The following MYO15A variants were observed in gnomAD, a reference collection of about 807,000 sequenced individuals.
The protein encoded by MYO15A is myosin XVA, also known as unconventional myosin-XV.
A neutral mutation model predicts 394.6 loss-of-function variants in MYO15A; 308 were observed. That is an observed-to-expected ratio of 0.78 (90% CI 0.71 to 0.86). MYO15A has a LOEUF of 0.86. Ranked by LOEUF, MYO15A falls within the 40% of genes least tolerant of loss-of-function variation. The pLI is 0.00. For missense variants in MYO15A, 4,606 were observed against 4,799.1 expected (o/e 0.96, Z 1.19); for synonymous variants, 1,957 against 2,003.8 (o/e 0.98, Z 0.62).
chr17:18,131,121 C>T, intron 8 of MYO15A, 118 bp from the exon 9 acceptor site: 1 of 934,240 alleles, frequency 1.1e-6, no homozygotes, highest in Non-Finnish European at 1.7e-6. Flanking sequence ...CTGGTCATCT[C>T]TCATAAAGGG....
chr17:18,159,412 C>T, intron 54 of MYO15A, 65 bp downstream of exon 54: 1 of 1,566,484 alleles, frequency 6.4e-7, no homozygotes. Flanking sequence ...GTGATCTCTA[C>T]TGGTTGCCAC....
chr17:18,115,335 G>C (rs929279825), intron 1 of MYO15A, among the ~76,000 whole-genome samples: 2 of 152,154 alleles, frequency 1.3e-5, no homozygotes, highest in Non-Finnish European at 2.9e-5. Flanking sequence ...GACTGAGGTC[G>C]AGGCTAGGCT....
chr17:18,130,961 G>A, intron 8 of MYO15A, 151 bp downstream of exon 8: 1 of 925,764 alleles, frequency 1.1e-6, no homozygotes, highest in Non-Finnish European at 1.6e-6. Context: ...TCCTAGGCAG[G>A]GCTGGGGCTT....
intron 40 of MYO15A, 29 bp from the exon 41 acceptor site, chr17:18,151,817 A>ATGGG: frequency 6.4e-7 from 1 of 1,551,426 alleles, no homozygotes; most frequent in South Asian, 1.2e-5. Context: ...ACTCAGTGTC[A>ATGGG]ACCCACCACA....
At position 18,119,927 on chromosome 17, in the gene MYO15A, A is replaced by G; in HGVS notation, c.1127A>G (p.Tyr376Cys). The G allele has an allele frequency of 6.2e-7, 1 of 1,613,474 alleles. No individual in the cohort carries two copies. The highest frequency in any genetic ancestry group is 8.5e-7 in the Non-Finnish European group (1 of 1,179,972). The change falls in exon 2 of 66, where the codon TAC becomes TGC. Residue 376 changes from tyrosine to cysteine, a missense_variant. Transcript: ENST00000647165. ...VPYFDPYGVHYTVPYAEGVYG... is the reference protein window; with the variant it reads ...VPYFDPYGVHCTVPYAEGVYG... The stretch of plus-strand genomic sequence containing the variant: ...TACTTTGATCCCTACGGAGTCCACT[A>G]CACCGTCCCCTATGCCGAAGGCGTC...
chr17:18,170,411 T>C (rs1023013739), intron 62 of MYO15A, among the ~76,000 whole-genome samples: 6 of 151,848 alleles, frequency 4.0e-5, no homozygotes, highest in African/African-American at 1.2e-4. Context: ...CAGACTGGAG[T>C]GCAGTGACCC....
chr17:18,125,412 G>A (rs1159126256), intron 4 of MYO15A, 181 bp downstream of exon 4: 28 of 656,580 alleles, frequency 4.3e-5, no homozygotes, highest in Non-Finnish European at 5.4e-6. Flanking sequence ...GTGGATGCCA[G>A]AGGCCGGGCA....
At chr17:18,134,358 C>T (rs886907634) in intron 12 of MYO15A, among the ~76,000 whole-genome samples, 1 of 152,170 alleles carries the variant, frequency 6.6e-6, no homozygotes, top group African/African-American at 2.4e-5. Flanking sequence ...TTTTCTAGTA[C>T]ATTTAAATTT....
rs771945203 is a variant in MYO15A at position 18,138,253 on chromosome 17, C to T, written c.5007+7C>T. 1.7e-5 allele frequency: 28 copies of T among 1,611,668 alleles called. No individual in the cohort carries two copies. The Admixed American group carries it at 4.0e-4, about 23-fold the overall frequency. ...CCAGTGTTGCTTTCCCCAGGTGAGC[C>T]GCAGGCACTGTGTGAGCCTAGTCAG... On this transcript the variant is annotated splice_region_variant and intron_variant, in intron 17 of 65. Coordinates refer to ENST00000647165, the MANE Select transcript of MYO15A (RefSeq NM_016239.4).
chr17:18,149,067 T>G, intron 33 of MYO15A, 115 bp downstream of exon 33: 1 of 1,479,334 alleles, frequency 6.8e-7, no homozygotes, highest in African/African-American at 1.4e-5. Flanking sequence ...GCCCTGAACT[T>G]AGACTTCAGG....
At position 18,142,951 on chromosome 17, in the gene MYO15A, C is replaced by T. The variant is rs1234114661; in HGVS notation, c.5910+111C>T. 7 of 927,944 alleles carry T rather than the reference C, an allele frequency of 7.5e-6. No homozygotes were observed. The Admixed American group carries it at 1.4e-4, about 18-fold the overall frequency. The allele number at this position is 927,944 out of a possible 1,614,324, so 57.5% of individuals were successfully genotyped here. A position where few individuals can be genotyped will look rare whatever the true frequency, so the allele number is the denominator to read the frequency against. ...AGGCAGTCTTGGGTTCAAATTCTGC[C>T]TCTGCCACCCACTAGCTCTTTAACT... On this transcript the variant is annotated intron_variant, in intron 25 of 65. Coordinates refer to ENST00000647165, the MANE Select transcript of MYO15A (RefSeq NM_016239.4).
chr17:18,142,983 A>G, intron 25 of MYO15A, 143 bp downstream of exon 25: 1 of 757,946 alleles, frequency 1.3e-6, no homozygotes, highest in East Asian at 2.7e-5. Context: ...AACTTTGGCC[A>G]TTGTCTATCC....
rs767006247 is a variant in MYO15A at position 18,145,907 on chromosome 17, T to C, written c.6309T>C (p.Gly2103=). The C allele has an allele frequency of 6.2e-7, 1 of 1,613,460 alleles. No individual in the cohort carries two copies. Among genetic ancestry groups the C allele is most frequent in the East Asian group, 2.2e-5 (1 of 44,874 alleles). ...TCATGGGCGACCCCCACCTGCATGG[T>C]GCCCGGGAGAACATCTTCGGGAACT... is the stretch of plus-strand genomic sequence containing the variant. The part of the protein sequence containing the change: ...LRFMGDPHLH[G]ARENIFGNYI... The change falls in exon 30 of 66, where the codon GGT becomes GGC. Residue 2103 remains glycine, a synonymous_variant. Coordinates refer to ENST00000647165, the MANE Select transcript of MYO15A (RefSeq NM_016239.4).
Position 18,173,922 on chromosome 17 carries a change from G to C in MYO15A, c.10491+1G>C, listed in dbSNP as rs762253410. The C allele has an allele frequency of 6.2e-7, 1 of 1,612,844 alleles. No individual in the cohort carries two copies. The highest frequency in any genetic ancestry group is 2.2e-5 in the East Asian group (1 of 44,892). On this transcript the variant is annotated splice_donor_variant, in intron 65 of 65. Coordinates refer to ENST00000647165, the MANE Select transcript of MYO15A (RefSeq NM_016239.4). LOFTEE classifies it high-confidence loss of function. ...CACCTTGCAGCTGCAGCTGGAGCAG[G>C]TGGGCCCAGCGCTAAGTCCAACATT...
At chr17:18,151,802 G>A (rs746527900) in intron 40 of MYO15A, 44 bp from the exon 41 acceptor site, 2 of 1,516,196 alleles carry the variant, frequency 1.3e-6, no homozygotes, top group Admixed American at 3.9e-5. Context: ...TGATGGGAAA[G>A]GGAGACTCAG....
At position 18,153,858 on chromosome 17, in the gene MYO15A, T is replaced by A; in HGVS notation, c.8050T>A (p.Tyr2684Asn). The change falls in exon 43 of 66, where the codon TAT (tyrosine) becomes AAT (asparagine). Residue 2684 changes from tyrosine to asparagine, a missense_variant. Tyr to Asn is a moderately radical substitution (Grantham distance 143, BLOSUM62 -2). Around this residue, in one of 2 missense-constraint regions of MYO15A, gnomAD observed 2,776 missense variants for 3,109.3 expected, o/e 0.89. Coordinates refer to ENST00000647165, the MANE Select transcript of MYO15A (RefSeq NM_016239.4). This position sits in a 1 kb window ranked among gnomAD's most constrained non-coding sequence, Gnocchi z 4.1. ...CCTCATCAATCCCAACTTCTACGGC[T>A]ATCAGGACGCCCCCTGGAAGATCTT... ...HRLINPNFYG[Y>N]QDAPWKIFLR... 1 of 1,613,608 alleles carries A rather than the reference T, an allele frequency of 6.2e-7. No individual in the cohort carries two copies. The highest frequency in any genetic ancestry group is 8.5e-7 in the Non-Finnish European group (1 of 1,179,992).
At chr17:18,159,445 T>C in intron 54 of MYO15A, 98 bp downstream of exon 54, 1 of 1,509,566 alleles carries the variant, frequency 6.6e-7, no homozygotes, top group South Asian at 1.1e-5. Context: ...TTCAGATTCT[T>C]TCCCTCCCGC....
At chr17:18,159,754 C>A in intron 55 of MYO15A, 75 bp downstream of exon 55, 1 of 1,551,076 alleles carries the variant, frequency 6.4e-7, no homozygotes, top group Non-Finnish European at 8.9e-7. Flanking sequence ...CAATGAGTCA[C>A]AGGACATTAG....
chr17:18,128,594 C>A (rs2046095791), intron 7 of MYO15A, among the ~76,000 whole-genome samples: 1 of 152,186 alleles, frequency 6.6e-6, no homozygotes, highest in Non-Finnish European at 1.5e-5. Flanking sequence ...TTTTCAAAAC[C>A]TTTCAGGTCA....
Sources: allele counts gnomAD v4.1 joint callset (sites outside exome capture counted in the v4.1 genomes callset), GRCh38; gene constraint gnomAD v4.1.1; regional missense constraint gnomAD v4.1.1; non-coding constraint Gnocchi (gnomAD v3.1); transcripts MANE v1.5; gene names NCBI Gene and HGNC (gene_info 2026-07-23, HGNC 2026-07-21).